ATP9A: variants seen among roughly 807,000 people sequenced by gnomAD.
ATP9A encodes ATPase phospholipid transporting 9A.
A neutral mutation model predicts 144.1 loss-of-function variants in ATP9A; 52 were observed. The observed-to-expected ratio is 0.36, with a 90% CI of 0.29 to 0.45. The LOEUF (loss-of-function observed/expected upper bound fraction) is 0.45. Ranked by LOEUF, ATP9A falls within the 20% of genes least tolerant of loss-of-function variation. ATP9A has a pLI of 1.00. For synonymous variants in ATP9A, 582 were observed against 557.4 expected (o/e 1.04, Z -0.62); for missense variants, 947 against 1,392.7 (o/e 0.68, Z 5.09).
chr20:51,627,071 A>G (rs561481573), intron 17 of ATP9A, among the ~76,000 whole-genome samples: 15 of 151,554 alleles, frequency 9.9e-5, no homozygotes, highest in East Asian at 3.9e-4. Flanking sequence ...AAAAAAAAAA[A>G]AAGAAGAAGA....
At chr20:51,673,748 G>A (rs533866682) in intron 11 of ATP9A, among the ~76,000 whole-genome samples, 149 of 152,230 alleles carry the variant, frequency 9.8e-4, no homozygotes, top group African/African-American at 3.2e-3. Context: ...TCTACAAAGA[G>A]ATCTGCTCCT....
In ATP9A at chr20:51,729,822, G is replaced by A; in HGVS notation, c.213+12C>T. 1 of 1,568,524 alleles carries A rather than the reference G, an allele frequency of 6.4e-7. No individual in the cohort carries two copies. The highest frequency in any genetic ancestry group is 2.0e-5 in the Admixed American group (1 of 50,108). On this transcript the variant is annotated intron_variant, in intron 2 of 27. Coordinates refer to ENST00000338821, the MANE Select transcript of ATP9A (RefSeq NM_006045.3). The stretch of plus-strand genomic sequence containing the variant: ...GAAAAAAGAAAAGAGCACGGTCCCT[G>A]CCTGCACGTACCCCAGGAAGAAAGG...
At chr20:51,724,328 A>G (rs2077703269) in intron 3 of ATP9A, among the ~76,000 whole-genome samples, 1 of 152,172 alleles carries the variant, frequency 6.6e-6, no homozygotes, top group Non-Finnish European at 1.5e-5. Flanking sequence ...TGCCCTCTCC[A>G]TAGCTCAGTT....
At chr20:51,683,241 A>C (rs532033788) in intron 9 of ATP9A, among the ~76,000 whole-genome samples, 1 of 152,064 alleles carries the variant, frequency 6.6e-6, no homozygotes, top group East Asian at 1.9e-4. Flanking sequence ...CACACAACAC[A>C]ACACCTGGAC....
chr20:51,764,128 G>A (rs1042688878), intron 1 of ATP9A, among the ~76,000 whole-genome samples: 2 of 152,146 alleles, frequency 1.3e-5, no homozygotes, highest in African/African-American at 4.8e-5. Flanking sequence ...AAAACTATGA[G>A]ATACATAATT....
chr20:51,751,261 G>GTTTTTTTTTT (rs201983884), intron 1 of ATP9A, among the ~76,000 whole-genome samples: 9 of 115,526 alleles, frequency 7.8e-5, no homozygotes, highest in Non-Finnish European at 1.4e-4. Context: ...GGTTTTTTTT[G>GTTTTTTTTTT]TTTTTTTTTT....
At chr20:51,748,973 A>AG (rs2077820216) in intron 1 of ATP9A, among the ~76,000 whole-genome samples, 6 of 152,048 alleles carry the variant, frequency 3.9e-5, no homozygotes, top group African/African-American at 9.7e-5. Context: ...ACAGACAGAC[A>AG]AATAAAATGG....
intron 14 of ATP9A, among the ~76,000 whole-genome samples, chr20:51,645,961 C>A (rs2077340687): frequency 6.6e-6 from 1 of 152,178 alleles, no homozygotes; most frequent in African/African-American, 2.4e-5. Context: ...GCAGGTCAGG[C>A]CAGCAGCAGA....
Position 51,625,203 on chromosome 20 carries a change from C to A in ATP9A, c.2005G>T (p.Ala669Ser). The A allele has an allele frequency of 6.2e-7, 1 of 1,612,236 alleles. No homozygotes were observed. The change falls in exon 18 of 28, where the codon GCT becomes TCT. Residue 669 changes from alanine to serine, a missense_variant. Physicochemically the swap from Ala to Ser is moderately conservative, Grantham distance 99. Around this residue, in one of 2 missense-constraint regions of ATP9A, gnomAD observed 770 missense variants for 1,047.9 expected, o/e 0.73. Coordinates refer to ENST00000338821, the MANE Select transcript of ATP9A (RefSeq NM_006045.3). Reference protein sequence around the residue: ...VRPTLETLRNAGIKVWMLTGD... With the variant: ...VRPTLETLRNSGIKVWMLTGD... ...GCAGCCCGCCCTACCTTGATGCCAG[C>A]ATTCCTCAGGGTCTCCAGCGTGGGC...
chr20:51,642,483 T>C (rs902748862), intron 14 of ATP9A, among the ~76,000 whole-genome samples: 2 of 151,856 alleles, frequency 1.3e-5, no homozygotes, highest in South Asian at 2.1e-4. Context: ...ATGAAACAAA[T>C]AGATTTTCTT....
chr20:51,608,871 G>A (rs2077174059), intron 24 of ATP9A, among the ~76,000 whole-genome samples: 1 of 151,954 alleles, frequency 6.6e-6, no homozygotes, highest in Non-Finnish European at 1.5e-5. Flanking sequence ...AACTCTATGT[G>A]TGTTAGAGAA....
intron 17 of ATP9A, among the ~76,000 whole-genome samples, chr20:51,625,571 C>T (rs181558417): frequency 1.8e-4 from 28 of 152,292 alleles, no homozygotes; most frequent in African/African-American, 6.0e-4. Context: ...GAGTCCCACC[C>T]TACACTCCAC....
intron 14 of ATP9A, among the ~76,000 whole-genome samples, chr20:51,652,857 C>T (rs2077372120): frequency 6.6e-6 from 1 of 151,760 alleles, no homozygotes; most frequent in Admixed American, 6.6e-5. Flanking sequence ...GCCTGTAATC[C>T]CAACACTTTG....
chr20:51,607,786 G>A (rs2122708181), intron 25 of ATP9A, among the ~76,000 whole-genome samples: 2 of 152,252 alleles, frequency 1.3e-5, no homozygotes, highest in African/African-American at 4.8e-5. Flanking sequence ...GCTCACACCT[G>A]TAATCCCAGC....
intron 1 of ATP9A, among the ~76,000 whole-genome samples, chr20:51,741,842 T>C (rs2077786520): frequency 6.6e-6 from 1 of 152,194 alleles, no homozygotes; most frequent in Non-Finnish European, 1.5e-5. Context: ...TCCAAGATGC[T>C]ACTCTCATCT....
intron 13 of ATP9A, among the ~76,000 whole-genome samples, chr20:51,661,813 G>C (rs139284389): frequency 2.0e-5 from 3 of 152,074 alleles, no homozygotes; most frequent in African/African-American, 4.8e-5. Context: ...ACCTCCAAAT[G>C]AATCAGCTGA....
intron 4 of ATP9A, among the ~76,000 whole-genome samples, chr20:51,703,372 C>T (rs2077602340): frequency 6.6e-6 from 1 of 152,188 alleles, no homozygotes; most frequent in South Asian, 2.1e-4. Context: ...TTTTTAAACG[C>T]ATTTGCAGAA....
At chr20:51,712,666 G>C (rs932892325) in intron 4 of ATP9A, among the ~76,000 whole-genome samples, 1 of 152,236 alleles carries the variant, frequency 6.6e-6, no homozygotes, top group Non-Finnish European at 1.5e-5. Context: ...GCGGCAGAAC[G>C]GGAAAGGGAT....
chr20:51,758,868 T>G (rs1018571533), intron 1 of ATP9A, among the ~76,000 whole-genome samples: 46 of 151,806 alleles, frequency 3.0e-4, no homozygotes, highest in African/African-American at 1.1e-3. Flanking sequence ...GAGGTTCCAG[T>G]GAGCCGAGAT....
Sources: allele counts gnomAD v4.1 joint callset (sites outside exome capture counted in the v4.1 genomes callset), GRCh38; gene constraint gnomAD v4.1.1; regional missense constraint gnomAD v4.1.1; transcripts MANE v1.5; gene names NCBI Gene and HGNC (gene_info 2026-07-23, HGNC 2026-07-21).